The following IQCM variants were observed in gnomAD, a reference collection of about 807,000 sequenced individuals.
IQCM encodes IQ motif containing M, also known as IQ domain-containing protein M.
In IQCM, 45 loss-of-function variants were observed where a neutral mutation model predicts 57.6. That is an observed-to-expected ratio of 0.78 (90% CI 0.62 to 1.00). The LOEUF is 1.00. IQCM is among the 50% of genes least tolerant of loss of function. The pLI is 0.00. For synonymous variants in IQCM, 148 were observed against 158.9 expected, an observed-to-expected ratio of 0.93 and a Z score of 0.51; for missense variants, 468 against 511.6, an observed-to-expected ratio of 0.91 and a Z score of 0.82.
chr4:149,628,296 C>A (rs1436161667), intron 7 of IQCM, among the ~76,000 whole-genome samples: 1 of 151,782 alleles, frequency 6.6e-6, no homozygotes, highest in Non-Finnish European at 1.5e-5. Flanking sequence ...GAAGCCAAAA[C>A]AATAAAGAAA....
At chr4:149,755,015 C>T (rs192197196) in intron 2 of IQCM, among the ~76,000 whole-genome samples, 29 of 152,274 alleles carry the variant, frequency 1.9e-4, no homozygotes, top group African/African-American at 6.5e-4. Context: ...TCATCTTTGG[C>T]TCTTCTCTGT....
At chr4:149,423,342 T>A (rs1194628367) in intron 13 of IQCM, among the ~76,000 whole-genome samples, 1 of 151,952 alleles carries the variant, frequency 6.6e-6, no homozygotes, top group Non-Finnish European at 1.5e-5. Flanking sequence ...GAGAACTGCA[T>A]GGGGGAAACC....
Position 149,733,396 on chromosome 4 carries a change from T to C in IQCM, c.233A>G (p.Gln78Arg). The C allele has an allele frequency of 8.1e-7, 1 of 1,231,846 alleles. No individual in the cohort carries two copies. The highest frequency in any genetic ancestry group is 1.0e-6 in the Non-Finnish European group (1 of 987,758). 76.3% of individuals were successfully genotyped at this position (1,231,846 alleles called of 1,614,324 possible). A position where few individuals can be genotyped will look rare whatever the true frequency, so the allele number is the denominator to read the frequency against. ...CCTTCTGAGTGCGGCCCGATGTTCT[T>C]GCACCACATCACGTGTTACCTTTTT... ...IDKKVTRDVV[Q>R]EHRAALRRIC... Residue 78 changes from glutamine (Q) to arginine (R), a missense_variant, in exon 5 of 14, where the codon CAA becomes CGA. Coordinates refer to ENST00000636793, the MANE Select transcript of IQCM (RefSeq NM_001363507.2).
At chr4:149,414,283 T>TGTG (rs1410192171) in intron 13 of IQCM, among the ~76,000 whole-genome samples, 1 of 152,200 alleles carries the variant, frequency 6.6e-6, no homozygotes, top group African/African-American at 2.4e-5. Context: ...CACCAAAGTA[T>TGTG]GTGGTCAATT....
At chr4:149,661,010 A>G (rs1297062140) in intron 7 of IQCM, among the ~76,000 whole-genome samples, 1 of 152,044 alleles carries the variant, frequency 6.6e-6, no homozygotes, top group African/African-American at 2.4e-5. Context: ...AAAATAAAAA[A>G]CTAAAAATAA....
chr4:149,521,233 T>C (rs1189072071), intron 12 of IQCM, among the ~76,000 whole-genome samples: 1 of 151,744 alleles, frequency 6.6e-6, no homozygotes, highest in East Asian at 1.9e-4. Context: ...TTCATCTTTC[T>C]TAGCCCCCAT....
At chr4:149,792,908 T>A (rs1460806955) in intron 2 of IQCM, among the ~76,000 whole-genome samples, 1 of 152,080 alleles carries the variant, frequency 6.6e-6, no homozygotes, top group African/African-American at 2.4e-5. Context: ...TAATGCAAAA[T>A]CAGGTTCTAC....
At chr4:149,558,102 C>A (rs1749762129) in intron 10 of IQCM, among the ~76,000 whole-genome samples, 1 of 152,174 alleles carries the variant, frequency 6.6e-6, no homozygotes, top group South Asian at 2.1e-4. Context: ...CTGGTTACTA[C>A]TTTAGTGTTT....
intron 12 of IQCM, among the ~76,000 whole-genome samples, chr4:149,501,764 C>G (rs377157665): frequency 4.4e-4 from 67 of 152,224 alleles, no homozygotes; most frequent in African/African-American, 1.4e-3. Flanking sequence ...CAGTGCATGG[C>G]CCACTTAGAC....
At chr4:149,466,839 T>C (rs1321041858) in intron 12 of IQCM, among the ~76,000 whole-genome samples, 1 of 152,186 alleles carries the variant, frequency 6.6e-6, no homozygotes, top group Non-Finnish European at 1.5e-5. Context: ...TTCCAGCAGA[T>C]TCAGTCTCTG....
At chr4:149,368,754 A>ACG (rs1491364782) in intron 13 of IQCM, among the ~76,000 whole-genome samples, 1 of 103,534 alleles carries the variant, frequency 9.7e-6, no homozygotes, top group African/African-American at 3.3e-5. Context: ...ATATATATAC[A>ACG]TGTATATATA....
intron 2 of IQCM, among the ~76,000 whole-genome samples, chr4:149,808,200 A>C (rs1173146187): frequency 6.6e-6 from 1 of 152,196 alleles, no homozygotes; most frequent in African/African-American, 2.4e-5. Context: ...GATAAAATGT[A>C]GTATAGATGC....
intron 12 of IQCM, among the ~76,000 whole-genome samples, chr4:149,516,878 A>G (rs1188234467): frequency 6.6e-6 from 1 of 152,046 alleles, no homozygotes; most frequent in African/African-American, 2.4e-5. Flanking sequence ...ACAGGCTAAG[A>G]AGGGAGTTAC....
chr4:149,387,433 A>G (rs1731502112), intron 13 of IQCM, among the ~76,000 whole-genome samples: 1 of 152,032 alleles, frequency 6.6e-6, no homozygotes, highest in African/African-American at 2.4e-5. Context: ...TCAGTCTTTT[A>G]CCCAATAGCT....
chr4:149,390,052 T>C (rs1449720822), intron 13 of IQCM, among the ~76,000 whole-genome samples: 1 of 152,036 alleles, frequency 6.6e-6, no homozygotes, highest in African/African-American at 2.4e-5. Flanking sequence ...TAGATCAGGT[T>C]GGAGAGACCA....
At chr4:149,686,330 A>C in intron 6 of IQCM, 48 bp downstream of exon 6, 1 of 915,488 alleles carries the variant, frequency 1.1e-6, no homozygotes, top group Non-Finnish European at 1.4e-6. Context: ...ATATTGGCAA[A>C]GTAGAAGAAA....
At chr4:149,648,078 G>T (rs980317473) in intron 7 of IQCM, among the ~76,000 whole-genome samples, 1 of 151,880 alleles carries the variant, frequency 6.6e-6, no homozygotes, top group Non-Finnish European at 1.5e-5. Context: ...TCAAATTTAT[G>T]TTCCTTTTTA....
In IQCM at chr4:149,753,757, C is replaced by CA. The variant is rs201154511; in HGVS notation, c.-48-11019dup. ...AAAAATAAAATAAAAACACTGAGAC[C>CA]AAAAAAAAAAAGATATAAAGGAAAA... On this transcript the variant is annotated intron_variant, in intron 2 of 13. Coordinates refer to ENST00000636793, the MANE Select transcript of IQCM (RefSeq NM_001363507.2). 3.0e-3 allele frequency among the ~76,000 whole-genome samples: 355 copies of CA among 116,934 alleles called. 1 individual carries two copies. The highest frequency in any genetic ancestry group is 0.013 in the East Asian group (54 of 4,090). 76.7% of individuals were successfully genotyped at this position (116,934 alleles called of 152,430 possible).
chr4:149,588,347 A>G (rs1170997111), intron 8 of IQCM, among the ~76,000 whole-genome samples: 1 of 151,864 alleles, frequency 6.6e-6, no homozygotes, highest in East Asian at 1.9e-4. Flanking sequence ...TACATATGCA[A>G]AAGGGAAATA....
Sources: gnomAD v4.1 joint callset for allele counts (sites outside exome capture counted in the v4.1 genomes callset) on GRCh38, gnomAD v4.1.1 for gene constraint, MANE v1.5 for transcripts, NCBI Gene and HGNC (gene_info 2026-07-23, HGNC 2026-07-21) for gene names.